The following SLC25A41 variants were observed in gnomAD, a reference collection of about 807,000 sequenced individuals.
SLC25A41 encodes solute carrier family 25 member 41.
A neutral mutation model predicts 34.7 loss-of-function variants in SLC25A41; 35 were observed. The ratio of observed to expected loss-of-function variants is 1.01; its 90% CI spans 0.77 to 1.34. The LOEUF is 1.34. SLC25A41 is among the 40% of genes most tolerant of loss of function. The pLI is 0.00. For synonymous variants in SLC25A41, 190 were observed against 209.9 expected (o/e 0.91, Z 0.82); for missense variants, 492 against 489.8 (o/e 1.00, Z -0.04).
At chr19:6,429,633 G>A (rs2092275369) in intron 4 of SLC25A41, 91 bp downstream of exon 4, 1 of 864,214 alleles carries the variant, frequency 1.2e-6, no homozygotes, top group Middle Eastern at 2.3e-4. Context: ...GAAAGGAGGA[G>A]GGGAGAAAGG....
At position 6,432,086 on chromosome 19, in the gene SLC25A41, C is replaced by T. The variant is rs2092287824; in HGVS notation, c.326G>A (p.Gly109Asp). The T allele has an allele frequency of 6.2e-7, 1 of 1,613,684 alleles. No individual in the cohort carries two copies. The highest frequency in any genetic ancestry group is 2.2e-5 in the East Asian group (1 of 44,878). ...GAMAGAVSRT[G>D]TAPLDRAKVY... ...CTTGGCTCTGTCCAGAGGTGCCGTG[C>T]CCGTGCGAGACACCGCCCCGGCCAT... Residue 109 changes from glycine to aspartate, a missense_variant, in exon 2 of 7, where the codon GGC becomes GAC. Transcript: ENST00000321510.
chr19:6,427,076 C>A lies in SLC25A41; in HGVS notation c.940+27G>T, dbSNP rs62107579. The A allele has an allele frequency of 2.5e-6, 4 of 1,574,216 alleles. No individual in the cohort carries two copies. Among genetic ancestry groups the A allele is most frequent in the Non-Finnish European group, 3.4e-6 (4 of 1,160,702 alleles). On this transcript the variant is annotated intron_variant, in intron 6 of 6. Transcript: ENST00000321510. This position sits in a 1 kb window ranked among gnomAD's most constrained non-coding sequence, Gnocchi z 4.9. ...CAGGGTGGGGCGGGGAAGGGGCATG[C>A]GTGGTGGCCGCTGGGGACAGGCTGA...
rs562799014 is a variant in SLC25A41, at chr19:6,432,630, G to A, written c.208-426C>T. Among the ~76,000 whole-genome samples, 6 of 148,270 alleles carry A rather than the reference G, an allele frequency of 4.0e-5. No individual in the cohort carries two copies. In the East Asian group the frequency reaches 6.0e-4, roughly 15 times the overall value. ...TTTTTAGACAGAGTCTCACTCTATC[G>A]CCCAAGCTGGAGTACAGTGGTGCGA... On this transcript the variant is annotated intron_variant, in intron 1 of 6. Coordinates refer to ENST00000321510, the MANE Select transcript of SLC25A41 (RefSeq NM_173637.4).
intron 4 of SLC25A41, 71 bp downstream of exon 4, chr19:6,429,653 A>AAGT (rs933115449): frequency 9.0e-7 from 1 of 1,113,590 alleles, no homozygotes; most frequent in African/African-American, 1.6e-5. Context: ...GAGGAAGAGG[A>AAGT]AGTAGCCCCA....
In SLC25A41 at chr19:6,427,792, G is replaced by A. The variant is rs564655441; in HGVS notation, c.625-291C>T. 6.6e-6 allele frequency among the ~76,000 whole-genome samples: 1 copy of A among 152,190 alleles called. No homozygotes were observed. Among genetic ancestry groups the A allele is most frequent in the Admixed American group, 6.5e-5 (1 of 15,292 alleles). On this transcript the variant is annotated intron_variant, in intron 4 of 6. Transcript: ENST00000321510. This position sits in a 1 kb window ranked among gnomAD's most constrained non-coding sequence, Gnocchi z 4.9. ...GCTTGAGGCCGGGAGTTCGAGACCA[G>A]CCTGGGCAACATAGCGAGACCCCAT...
Position 6,427,375 on chromosome 19 carries a change from C to A in SLC25A41, c.751G>T (p.Gly251Cys). ...TCGGTGCAGGCATAGGGGATGATGC[C>A]GAGCATATTGGGCAGGTAGCCGCGG... ...LYRGYLPNMLGIIPYACTDLA... is the reference protein window; with the variant it reads ...LYRGYLPNMLCIIPYACTDLA... The change falls in exon 5 of 7, where the codon GGC becomes TGC. Residue 251 changes from glycine to cysteine, a missense_variant. Coordinates refer to ENST00000321510, the MANE Select transcript of SLC25A41 (RefSeq NM_173637.4). The surrounding 1 kb of genome is among the most constrained non-coding windows in gnomAD (Gnocchi z 4.9). 1 of 1,611,628 alleles carries A rather than the reference C, an allele frequency of 6.2e-7. No homozygotes were observed.
upstream of SLC25A41, among the ~76,000 whole-genome samples, chr19:6,435,213 G>A (rs544824866): frequency 1.9e-3 from 258 of 133,994 alleles, 1 homozygote; most frequent in African/African-American, 6.8e-3. Context: ...GACAGAGCGA[G>A]ACCCTGTCTC....
intron 2 of SLC25A41, 38 bp downstream of exon 2, chr19:6,432,011 C>T (rs2092287351): frequency 6.3e-7 from 1 of 1,583,762 alleles, no homozygotes; most frequent in Admixed American, 1.8e-5. Context: ...CCAGTGGCTC[C>T]AGCGCTGGGT....
chr19:6,427,649 T>C lies in SLC25A41; in HGVS notation c.625-148A>G. ...TCAGACCCGGATCTGTCAGATTCCA[T>C]GGAATGCTCTCTGAATTTTGAGTTC... On this transcript the variant is annotated intron_variant, in intron 4 of 6. Transcript: ENST00000321510. This position sits in a 1 kb window ranked among gnomAD's most constrained non-coding sequence, Gnocchi z 4.9. The C allele has an allele frequency of 1.1e-6, 1 of 920,606 alleles. No homozygotes were observed. The highest frequency in any genetic ancestry group is 1.5e-6 in the Non-Finnish European group (1 of 654,268). The allele number at this position is 920,606 out of a possible 1,614,324, so 57.0% of individuals were successfully genotyped here.
intron 2 of SLC25A41, chr19:6,430,681 G>T (rs1465073538): frequency 9.2e-6 from 2 of 216,990 alleles, no homozygotes; most frequent in Admixed American, 1.1e-4. Flanking sequence ...AGAGCTGGGG[G>T]TTTGCCATGT....
chr19:6,435,981 C>T (rs2092309950), upstream of SLC25A41: 1 of 157,438 alleles, frequency 6.4e-6, no homozygotes, highest in African/African-American at 2.4e-5. Context: ...TGATTGCACC[C>T]CTGCATTCCA....
At chr19:6,426,690 G>A in intron 6 of SLC25A41, 129 bp from the exon 7 acceptor site, 3 of 910,026 alleles carry the variant, frequency 3.3e-6, no homozygotes, top group Non-Finnish European at 3.3e-6. Flanking sequence ...ACAGTTTGAA[G>A]AGTCTTAGAG....
chr19:6,427,565 C>T lies in SLC25A41; in HGVS notation c.625-64G>A. On this transcript the variant is annotated intron_variant, in intron 4 of 6. Transcript: ENST00000321510. The surrounding 1 kb of genome is among the most constrained non-coding windows in gnomAD (Gnocchi z 4.9). ...ATCCTGTCAATGACCCTCGGGGTAG[C>T]CATTGTCCCCACCCTACAAACAAGG... The T allele has an allele frequency of 7.0e-7, 1 of 1,423,720 alleles. No homozygotes were observed. Among genetic ancestry groups the T allele is most frequent in the South Asian group, 1.5e-5 (1 of 65,180 alleles). 88.2% of individuals were successfully genotyped at this position (1,423,720 alleles called of 1,614,324 possible). A position where few individuals can be genotyped will look rare whatever the true frequency, so the allele number is the denominator to read the frequency against.
rs528176328 is a variant in SLC25A41, at chr19:6,429,913, G to A, written c.517-82C>T. ...CGCGCAGGGAAGAGGCCTGGGGTCT[G>A]GAGGGTGAGTGTGTGCTTGAACAAG... On this transcript the variant is annotated intron_variant, in intron 3 of 6. Transcript: ENST00000321510. 2.0e-4 allele frequency: 311 copies of A among 1,589,146 alleles called. 3 individuals are homozygous for A. In the South Asian group the frequency reaches 3.3e-3, roughly 17 times the overall value.
At chr19:6,428,602 G>T (rs1051701670) in intron 4 of SLC25A41, among the ~76,000 whole-genome samples, 2 of 145,266 alleles carry the variant, frequency 1.4e-5, no homozygotes, top group African/African-American at 5.0e-5. Context: ...TATATAATTA[G>T]ATACATTAAA....
rs2092250303 is a variant in SLC25A41, at chr19:6,427,703, A to G, written c.625-202T>C. On this transcript the variant is annotated intron_variant, in intron 4 of 6. Transcript: ENST00000321510. This position sits in a 1 kb window ranked among gnomAD's most constrained non-coding sequence, Gnocchi z 4.9. ...AGCACAAATGCTGGCAAAGGCCAAGAGAGTGAGGGAAGAAGGCTCACGTCT... is the reference window on the plus strand; with the variant it reads ...AGCACAAATGCTGGCAAAGGCCAAGGGAGTGAGGGAAGAAGGCTCACGTCT... 6.6e-6 allele frequency among the ~76,000 whole-genome samples: 1 copy of G among 152,200 alleles called. No individual in the cohort carries two copies. Among genetic ancestry groups the G allele is most frequent in the African/African-American group, 2.4e-5 (1 of 41,448 alleles).
chr19:6,429,123 A>G (rs1309335401), intron 4 of SLC25A41, among the ~76,000 whole-genome samples: 5 of 53,984 alleles, frequency 9.3e-5, no homozygotes, highest in Admixed American at 3.8e-4. Context: ...TATATATTAT[A>G]TATATGTTAT....
Position 6,427,029 on chromosome 19 carries a change from G to T in SLC25A41, c.940+74C>A. The T allele has an allele frequency of 6.7e-7, 1 of 1,501,344 alleles. No individual in the cohort carries two copies. The highest frequency in any genetic ancestry group is 9.0e-7 in the Non-Finnish European group (1 of 1,110,072). The allele number at this position is 1,501,344 out of a possible 1,614,324, so 93.0% of individuals were successfully genotyped here. A position where few individuals can be genotyped will look rare whatever the true frequency, so the allele number is the denominator to read the frequency against. On this transcript the variant is annotated intron_variant, in intron 6 of 6. Transcript: ENST00000321510. This position sits in a 1 kb window ranked among gnomAD's most constrained non-coding sequence, Gnocchi z 4.9. ...CGGAGGGTGCCGGACTCAGTTTTGG[G>T]GTATGAGAAAATTGAGACAGCCAGG... is the stretch of plus-strand genomic sequence containing the variant.
rs1568349355 is a variant in SLC25A41, at chr19:6,429,048, ATT to A, written c.624+674_624+675del. Among the ~76,000 whole-genome samples the A allele has an allele frequency of 2.4e-4, 9 of 38,146 alleles. 2 individuals carry two copies. The highest frequency in any genetic ancestry group is 6.5e-4 in the Admixed American group (1 of 1,532). The allele number at this position is 38,146 out of a possible 152,430, so 25.0% of individuals were successfully genotyped here. A position where few individuals can be genotyped will look rare whatever the true frequency, so the allele number is the denominator to read the frequency against. On this transcript the variant is annotated intron_variant, in intron 4 of 6. Transcript: ENST00000321510. Reference sequence around the variant, plus strand: ...TTATATATATATATATAATATATATATTATATATATGTTATATATATATATAA... The same window carrying A: ...TTATATATATATATATAATATATATAATATATATGTTATATATATATATAA...
Sources: gnomAD v4.1 joint callset for allele counts (sites outside exome capture counted in the v4.1 genomes callset) on GRCh38, gnomAD v4.1.1 for gene constraint, Gnocchi (gnomAD v3.1) non-coding constraint, MANE v1.5 for transcripts, NCBI Gene and HGNC (gene_info 2026-07-23, HGNC 2026-07-21) for gene names.